The following DENND2C variants were observed in gnomAD, a reference collection of about 807,000 sequenced individuals.
DENND2C encodes the protein DENN domain containing 2C.
A neutral mutation model predicts 112.4 loss-of-function variants in DENND2C; 72 were observed. The observed-to-expected ratio is 0.64, with a 90% confidence interval of 0.53 to 0.78. The LOEUF (loss-of-function observed/expected upper bound fraction) is 0.78, where lower values mean the gene tolerates loss of function less well. Among genes scored for constraint, DENND2C ranks in the 30% least tolerant of loss-of-function variants. The pLI is 0.00. For synonymous variants in DENND2C, 329 were observed against 381.6 expected (o/e 0.86, Z 1.61); for missense variants, 992 against 1,113.8 (o/e 0.89, Z 1.56).
chr1:114,669,707 C>A (rs1403026711), intron 1 of DENND2C, among the ~76,000 whole-genome samples: 3 of 152,032 alleles, frequency 2.0e-5, no homozygotes, highest in African/African-American at 4.8e-5. Flanking sequence ...CCTGAGGTAG[C>A]GAGGAGGTCT....
intron 12 of DENND2C, among the ~76,000 whole-genome samples, chr1:114,601,850 C>T (rs79928492): frequency 0.026 from 3,891 of 152,264 alleles, 178 homozygotes; most frequent in African/African-American, 0.088. Context: ...TCATTGTACT[C>T]TATTTCAAAT....
chr1:114,614,439 A>ATTGGAGGAG (rs1257020200), intron 8 of DENND2C, among the ~76,000 whole-genome samples: 1 of 152,200 alleles, frequency 6.6e-6, no homozygotes, highest in Non-Finnish European at 1.5e-5. Flanking sequence ...CCTCTGGTGC[A>ATTGGAGGAG]TTGGAGGAGT....
intron 1 of DENND2C, among the ~76,000 whole-genome samples, chr1:114,661,946 C>A (rs1657503581): frequency 6.6e-6 from 1 of 152,194 alleles, no homozygotes; most frequent in Admixed American, 6.5e-5. Context: ...AATTCTCCCA[C>A]TCTTTGCTCA....
Position 114,600,956 on chromosome 1 carries a change from A to G in DENND2C, c.1820T>C (p.Leu607Pro), listed in dbSNP as rs1396109934. The change falls in exon 14 of 21, where the codon CTG (leucine) becomes CCG (proline). Residue 607 changes from leucine to proline, a missense_variant. Transcript: ENST00000393274. The stretch of plus-strand genomic sequence containing the variant: ...TTCTCTTCTCTTCTCTACTTCATCC[A>G]GAATCTATATACGCAAAGTGTTATT... The part of the protein sequence containing the change: ...LGCFNLFSKI[L>P]DEVEKRREMS... 6.2e-7 allele frequency: 1 copy of G among 1,612,800 alleles called. No homozygotes were observed.
At chr1:114,656,558 A>G (rs1031397483) in intron 1 of DENND2C, among the ~76,000 whole-genome samples, 1 of 149,502 alleles carries the variant, frequency 6.7e-6, no homozygotes, top group African/African-American at 2.5e-5. Flanking sequence ...CACCACGCCC[A>G]GCTCATTTTT....
chr1:114,606,746 G>A (rs1318702823), intron 10 of DENND2C, among the ~76,000 whole-genome samples: 1 of 152,150 alleles, frequency 6.6e-6, no homozygotes, highest in East Asian at 1.9e-4. Flanking sequence ...GATGACTGTA[G>A]ACTCTCCCAG....
At chr1:114,658,309 A>T (rs1377230523) in intron 1 of DENND2C, among the ~76,000 whole-genome samples, 1 of 152,192 alleles carries the variant, frequency 6.6e-6, no homozygotes, top group Non-Finnish European at 1.5e-5. Context: ...GCATCAGATA[A>T]AGAGTGGGAG....
intron 3 of DENND2C, among the ~76,000 whole-genome samples, chr1:114,633,144 A>C (rs1249109229): frequency 6.6e-6 from 1 of 152,156 alleles, no homozygotes; most frequent in African/African-American, 2.4e-5. Context: ...CCCACAATGG[A>C]ACTGAATTAA....
At position 114,625,342 on chromosome 1, in the gene DENND2C, TAC is replaced by T; in HGVS notation, c.641_642del (p.Arg214GlnfsTer15). 6.2e-7 allele frequency: 1 copy of T among 1,614,174 alleles called. No homozygotes were observed. The highest frequency in any genetic ancestry group is 2.2e-5 in the East Asian group (1 of 44,872). On this transcript the variant is annotated frameshift_variant, in exon 4 of 21. Coordinates refer to ENST00000393274, the MANE Select transcript of DENND2C (RefSeq NM_001256404.2). LOFTEE classifies it high-confidence loss of function. ...GATTCGGATAAATATCTGAATGTCC[TAC>T]GAGGTTTTGGCAAAGGATTTATGGA... is the stretch of plus-strand genomic sequence containing the variant. Reference protein sequence around the residue: ...GPSINPLPKPRRTFRYLSESG... With the variant: ...GPSINPLPKPXRTFRYLSESG...
intron 4 of DENND2C, among the ~76,000 whole-genome samples, chr1:114,624,363 G>A (rs1406555605): frequency 6.6e-6 from 1 of 152,102 alleles, no homozygotes; most frequent in African/African-American, 2.4e-5. Flanking sequence ...GTGCAGTGAA[G>A]TGATCATGGC....
chr1:114,619,467 C>A (rs559511046), intron 7 of DENND2C, among the ~76,000 whole-genome samples: 138 of 152,238 alleles, frequency 9.1e-4, no homozygotes, highest in Non-Finnish European at 1.5e-3. Flanking sequence ...CTCTAGCCAT[C>A]CTGACAATCG....
At chr1:114,638,762 C>CAAAAAAAAAAAAAAAAAAAAAA (rs35740017) in intron 3 of DENND2C, among the ~76,000 whole-genome samples, 2 of 84,164 alleles carry the variant, frequency 2.4e-5, no homozygotes, top group Non-Finnish European at 2.3e-5. Context: ...GACCTTGTCT[C>CAAAAAAAAAAAAAAAAAAAAAA]AAAAAAAAAA....
intron 3 of DENND2C, among the ~76,000 whole-genome samples, chr1:114,627,137 C>T (rs1656365647): frequency 6.6e-6 from 1 of 152,174 alleles, no homozygotes; most frequent in African/African-American, 2.4e-5. Flanking sequence ...GCTACCACAC[C>T]CTTGACCCAA....
At chr1:114,622,871 T>G in intron 6 of DENND2C, 116 bp downstream of exon 6, 1 of 652,722 alleles carries the variant, frequency 1.5e-6, no homozygotes, top group South Asian at 4.0e-5. Context: ...ACCACCAACA[T>G]TAAAACTTAC....
chr1:114,646,085 C>G (rs1396609820), intron 2 of DENND2C, among the ~76,000 whole-genome samples: 1 of 152,034 alleles, frequency 6.6e-6, no homozygotes, highest in Non-Finnish European at 1.5e-5. Flanking sequence ...CGCCACCACA[C>G]CCGGCTAATT....
rs1212924465 is a variant in DENND2C at position 114,584,648 on chromosome 1, T to C, written c.*952A>G. On this transcript the variant is annotated 3_prime_UTR_variant, in exon 21 of 21. Transcript: ENST00000393274. ...GATTTAAGGATTGGTTGAGATGATATGCATACATATACCACAGTGCATGGC... is the reference window on the plus strand; with the variant it reads ...GATTTAAGGATTGGTTGAGATGATACGCATACATATACCACAGTGCATGGC... 1.3e-5 allele frequency: 2 copies of C among 152,212 alleles called. No individual in the cohort carries two copies. The highest frequency in any genetic ancestry group is 1.9e-4 in the East Asian group (1 of 5,206). 9.4% of individuals were successfully genotyped at this position (152,212 alleles called of 1,614,324 possible).
intron 2 of DENND2C, among the ~76,000 whole-genome samples, chr1:114,652,535 T>C (rs559264701): frequency 2.0e-5 from 3 of 152,172 alleles, no homozygotes; most frequent in Admixed American, 6.5e-5. Context: ...AATCCCTTGG[T>C]ATGTGTGGGG....
chr1:114,618,483 C>T lies in DENND2C; in HGVS notation c.1228-1G>A. Reference sequence around the variant, plus strand: ...ATATGTCATCTATTTTCAATACAAGCTGAAAAAAGACCAGAAAAATACAAA... The same window carrying T: ...ATATGTCATCTATTTTCAATACAAGTTGAAAAAAGACCAGAAAAATACAAA... On this transcript the variant is annotated splice_acceptor_variant, in intron 7 of 20. Coordinates refer to ENST00000393274, the MANE Select transcript of DENND2C (RefSeq NM_001256404.2). LOFTEE classifies it high-confidence loss of function. 6.5e-7 allele frequency: 1 copy of T among 1,544,778 alleles called. No homozygotes were observed. Among genetic ancestry groups the T allele is most frequent in the Middle Eastern group, 1.8e-4 (1 of 5,508 alleles).
chr1:114,669,539 A>T (rs1657732109), intron 1 of DENND2C, among the ~76,000 whole-genome samples: 1 of 152,194 alleles, frequency 6.6e-6, no homozygotes, highest in South Asian at 2.1e-4. Flanking sequence ...CAAAACACCA[A>T]AAAAAGCAAA....
Sources: gnomAD v4.1 joint callset for allele counts (sites outside exome capture counted in the v4.1 genomes callset) on GRCh38, gnomAD v4.1.1 for gene constraint, MANE v1.5 for transcripts, NCBI Gene and HGNC (gene_info 2026-07-23, HGNC 2026-07-21) for gene names.